The following CACNB4 variants were observed in gnomAD, a reference collection of about 807,000 sequenced individuals.
CACNB4 encodes the protein voltage-dependent L-type calcium channel subunit beta-4.
In CACNB4, 32 loss-of-function variants were observed where a neutral mutation model predicts 71.2. The ratio of observed to expected loss-of-function variants is 0.45; its 90% CI spans 0.34 to 0.60. The LOEUF (loss-of-function observed/expected upper bound fraction) is 0.60, where lower values mean the gene tolerates loss of function less well. Ranked by LOEUF, CACNB4 falls within the 20% of genes least tolerant of loss-of-function variation. The pLI is 0.01. For missense variants in CACNB4, 464 were observed against 647.9 expected (o/e 0.72, Z 3.08); for synonymous variants, 231 against 236.9 (o/e 0.97, Z 0.23).
intron 2 of CACNB4, among the ~76,000 whole-genome samples, chr2:151,974,510 G>T (rs1001986150): frequency 3.3e-5 from 5 of 152,292 alleles, no homozygotes; most frequent in African/African-American, 1.2e-4. Flanking sequence ...AACTGGTGAA[G>T]TTTGAAAAGG....
At chr2:151,971,390 C>T in intron 2 of CACNB4, 2 of 633,060 alleles carry the variant, frequency 3.2e-6, no homozygotes, top group Admixed American at 2.5e-5. Flanking sequence ...CGGATGGTTC[C>T]CCAACCCCCA....
chr2:152,008,625 C>T (rs937868203), intron 2 of CACNB4, among the ~76,000 whole-genome samples: 1 of 152,112 alleles, frequency 6.6e-6, no homozygotes, highest in African/African-American at 2.4e-5. Context: ...TCTGATAGAA[C>T]CACGAACTTC....
At chr2:152,049,904 G>A (rs1002100716) in intron 2 of CACNB4, among the ~76,000 whole-genome samples, 1 of 152,250 alleles carries the variant, frequency 6.6e-6, no homozygotes, top group African/African-American at 2.4e-5. Context: ...TTAACCTACA[G>A]TGAGGAACTT....
intron 12 of CACNB4, among the ~76,000 whole-genome samples, chr2:151,845,962 C>T (rs1468670784): frequency 1.3e-5 from 2 of 152,046 alleles, no homozygotes; most frequent in Non-Finnish European, 2.9e-5. Flanking sequence ...AAAAACATGC[C>T]TCTAGCTCAT....
chr2:152,079,388 GTGT>G (rs373504253), intron 2 of CACNB4, among the ~76,000 whole-genome samples: 7 of 151,722 alleles, frequency 4.6e-5, no homozygotes, highest in Admixed American at 2.0e-4. Flanking sequence ...ACGCCCGGCC[GTGT>G]TGTTGTTGTT....
chr2:151,846,351 T>C (rs1559855982), intron 12 of CACNB4, among the ~76,000 whole-genome samples: 1 of 152,216 alleles, frequency 6.6e-6, no homozygotes, highest in African/African-American at 2.4e-5. Context: ...GGAAGATATA[T>C]AAAGACACTG....
At chr2:151,989,463 C>A (rs542094342) in intron 2 of CACNB4, among the ~76,000 whole-genome samples, 1 of 152,324 alleles carries the variant, frequency 6.6e-6, no homozygotes, top group African/African-American at 2.4e-5. Flanking sequence ...TGACCTCTGA[C>A]ACTATTGACC....
In CACNB4 at chr2:151,838,661, T is replaced by C. The variant is rs1270412884; in HGVS notation, c.*458A>G. 6.6e-6 allele frequency: 1 copy of C among 152,410 alleles called. No homozygotes were observed. The highest frequency in any genetic ancestry group is 1.5e-5 in the Non-Finnish European group (1 of 68,168). The allele number at this position is 152,410 out of a possible 1,614,324, so 9.4% of individuals were successfully genotyped here. A position where few individuals can be genotyped will look rare whatever the true frequency, so the allele number is the denominator to read the frequency against. ...TTCTATTGGTATTTCGATTTTCTTA[T>C]TAGTTTTTTTTTTTTCCCCCCAGAT... is the stretch of plus-strand genomic sequence containing the variant. On this transcript the variant is annotated 3_prime_UTR_variant, in exon 14 of 14. Coordinates refer to ENST00000539935, the MANE Select transcript of CACNB4 (RefSeq NM_000726.5).
At chr2:151,928,800 G>A (rs536399970) in intron 2 of CACNB4, among the ~76,000 whole-genome samples, 9 of 151,962 alleles carry the variant, frequency 5.9e-5, no homozygotes, top group Non-Finnish European at 7.4e-5. Flanking sequence ...GGTATGTGCC[G>A]GTGGTCCCAG....
intron 10 of CACNB4, chr2:151,857,343 A>G (rs566528007): frequency 6.6e-6 from 1 of 152,222 alleles, no homozygotes; most frequent in Non-Finnish European, 1.5e-5. Flanking sequence ...TCCAATACCA[A>G]TGGCCTGAAA....
intron 2 of CACNB4, among the ~76,000 whole-genome samples, chr2:151,974,675 C>A (rs1180383574): frequency 6.6e-6 from 1 of 152,172 alleles, no homozygotes; most frequent in Admixed American, 6.5e-5. Context: ...TGGCATTGGT[C>A]TTTTCCCCAA....
intron 12 of CACNB4, chr2:151,852,187 C>T (rs2099839244): frequency 1.3e-5 from 2 of 152,042 alleles, no homozygotes; most frequent in Admixed American, 6.6e-5. Context: ...TTTCAGTTGC[C>T]TAAACTATAA....
intron 2 of CACNB4, among the ~76,000 whole-genome samples, chr2:151,901,815 C>A: frequency 6.6e-6 from 1 of 152,124 alleles, no homozygotes; most frequent in Non-Finnish European, 1.5e-5. Flanking sequence ...TTTAAGCAAT[C>A]ATTGTTTTAC....
At chr2:152,004,806 A>G (rs150310751) in intron 2 of CACNB4, among the ~76,000 whole-genome samples, 95 of 152,324 alleles carry the variant, frequency 6.2e-4, no homozygotes, top group Admixed American at 1.4e-3. Context: ...GCATTCTTCA[A>G]TAGGAAGACC....
chr2:152,031,927 C>T (rs1684305455), intron 2 of CACNB4, among the ~76,000 whole-genome samples: 1 of 152,176 alleles, frequency 6.6e-6, no homozygotes, highest in Non-Finnish European at 1.5e-5. Context: ...TCTTGCCAAG[C>T]CAAGGGTGAA....
At chr2:152,022,676 T>C (rs1447621791) in intron 2 of CACNB4, among the ~76,000 whole-genome samples, 7 of 152,202 alleles carry the variant, frequency 4.6e-5, no homozygotes, top group African/African-American at 1.7e-4. Flanking sequence ...AATATGCATG[T>C]TTACCTCCTA....
At chr2:151,941,484 G>A (rs1261807684) in intron 2 of CACNB4, among the ~76,000 whole-genome samples, 2 of 151,730 alleles carry the variant, frequency 1.3e-5, no homozygotes, top group African/African-American at 2.4e-5. Flanking sequence ...GTTTCACCAT[G>A]TTGACCAGGC....
At chr2:152,041,108 C>T (rs1227171894) in intron 2 of CACNB4, among the ~76,000 whole-genome samples, 1 of 152,298 alleles carries the variant, frequency 6.6e-6, no homozygotes, top group East Asian at 1.9e-4. Context: ...ATTTCAACCT[C>T]GGATAAAGCT....
intron 2 of CACNB4, among the ~76,000 whole-genome samples, chr2:152,041,129 T>C (rs915061361): frequency 1.3e-5 from 2 of 152,174 alleles, no homozygotes; most frequent in African/African-American, 4.8e-5. Context: ...CTTCCTCCTG[T>C]TTCTCCCCAC....
Sources: allele counts gnomAD v4.1 joint callset (sites outside exome capture counted in the v4.1 genomes callset), GRCh38; gene constraint gnomAD v4.1.1; transcripts MANE v1.5; gene names NCBI Gene and HGNC (gene_info 2026-07-23, HGNC 2026-07-21).